SLC30A6: variants seen among roughly 807,000 people sequenced by gnomAD.
The protein encoded by SLC30A6 is zinc transporter 6.
A neutral mutation model predicts 63.0 loss-of-function variants in SLC30A6; 55 were observed. The observed-to-expected ratio is 0.87, with a 90% CI of 0.70 to 1.09. SLC30A6 has a LOEUF of 1.09. Among genes scored for constraint, SLC30A6 ranks in the 50% least tolerant of loss-of-function variants. The pLI is 0.00. For missense variants in SLC30A6, 587 were observed against 549.2 expected, an observed-to-expected ratio of 1.07 and a Z score of -0.69; for synonymous variants, 224 against 186.1, an observed-to-expected ratio of 1.20 and a Z score of -1.66.
chr2:32,166,034 C>T (rs1680613927), intron 1 of SLC30A6, 131 bp downstream of exon 1: 7 of 1,341,556 alleles, frequency 5.2e-6, no homozygotes, highest in Non-Finnish European at 7.5e-6. Flanking sequence ...GGCCCCTTGG[C>T]AGGAGCGGCT....
At chr2:32,211,608 T>C (rs1685260815) in intron 13 of SLC30A6, among the ~76,000 whole-genome samples, 2 of 151,954 alleles carry the variant, frequency 1.3e-5, no homozygotes, top group South Asian at 4.2e-4. Flanking sequence ...GTGCACCCTT[T>C]CTTCTTTTTT....
chr2:32,178,863 T>C (rs1682031327), intron 4 of SLC30A6, among the ~76,000 whole-genome samples: 3 of 152,198 alleles, frequency 2.0e-5, no homozygotes, highest in Admixed American at 1.3e-4. Flanking sequence ...TTGTTCTTTT[T>C]CAAGATTGTT....
chr2:32,215,516 ATTTTT>A (rs10681739), intron 13 of SLC30A6, among the ~76,000 whole-genome samples: 2 of 132,488 alleles, frequency 1.5e-5, no homozygotes, highest in African/African-American at 2.8e-5. Context: ...ATATATATAT[ATTTTT>A]TTTTTTTTTT....
Position 32,204,639 on chromosome 2 carries a change from A to G in SLC30A6, c.715A>G (p.Thr239Ala), listed in dbSNP as rs749626366. Residue 239 changes from threonine (T) to alanine (A), a missense_variant, in exon 11 of 14, where the codon ACA (threonine) becomes GCA (alanine). By Grantham distance (58) the Thr-to-Ala change is moderately conservative. Transcript: ENST00000282587. ...CTCTGCTATAGCTATTGCCTTGATG[A>G]CATTTGGCACTATGTATCCCATGAG... ...TASAIAIALMTFGTMYPMSVY... is the reference protein window; with the variant it reads ...TASAIAIALMAFGTMYPMSVY... The G allele has an allele frequency of 1.2e-6, 2 of 1,613,054 alleles. No individual in the cohort carries two copies. Among genetic ancestry groups the G allele is most frequent in the Non-Finnish European group, 1.7e-6 (2 of 1,179,414 alleles).
intron 10 of SLC30A6, chr2:32,202,110 G>T: frequency 1.3e-6 from 1 of 749,386 alleles, no homozygotes. Context: ...CACATGAACA[G>T]AAAGAAGGAA....
chr2:32,196,598 G>T (rs935158945), intron 8 of SLC30A6, among the ~76,000 whole-genome samples: 1 of 152,100 alleles, frequency 6.6e-6, no homozygotes, highest in Non-Finnish European at 1.5e-5. Flanking sequence ...ATATGTATGG[G>T]TTGAGCATCC....
chr2:32,204,023 T>C, intron 10 of SLC30A6: 1 of 661,816 alleles, frequency 1.5e-6, no homozygotes, highest in Non-Finnish European at 2.7e-6. Flanking sequence ...AATCTACCAG[T>C]ATGAGGTTGC....
At chr2:32,194,681 A>G (rs893269140) in intron 8 of SLC30A6, among the ~76,000 whole-genome samples, 1 of 151,924 alleles carries the variant, frequency 6.6e-6, no homozygotes, top group African/African-American at 2.4e-5. Flanking sequence ...ATCTTTTTAG[A>G]TCTCACTCTA....
At chr2:32,175,885 C>T (rs6724014) in intron 4 of SLC30A6, among the ~76,000 whole-genome samples, 17 of 151,988 alleles carry the variant, frequency 1.1e-4, no homozygotes, top group African/African-American at 3.9e-4. Context: ...AGGCATAAGA[C>T]TTGCTTGGAC....
intron 2 of SLC30A6, among the ~76,000 whole-genome samples, chr2:32,171,665 CCA>C (rs1681223863): frequency 6.6e-6 from 1 of 150,758 alleles, no homozygotes; most frequent in Non-Finnish European, 1.5e-5. Flanking sequence ...TTAAATGGAT[CCA>C]GTCTAAAGCC....
chr2:32,213,442 C>T (rs1287370619), intron 13 of SLC30A6, among the ~76,000 whole-genome samples: 2 of 151,896 alleles, frequency 1.3e-5, no homozygotes, highest in Admixed American at 6.6e-5. Context: ...GTTGCAGCTG[C>T]TTTTCTCATA....
Position 32,209,576 on chromosome 2 carries a change from A to T in SLC30A6, c.885+15A>T, listed in dbSNP as rs550172349. 3 of 1,577,000 alleles carry T rather than the reference A, an allele frequency of 1.9e-6. 1 individual carries two copies. Among genetic ancestry groups the T allele is most frequent in the African/African-American group, 2.7e-5 (2 of 73,122 alleles). Reference sequence around the variant, plus strand: ...TTGGCTCATTGGTATGTTCTTTTACATATGACTTTAGTTATAATTTAAAAT... The same window carrying T: ...TTGGCTCATTGGTATGTTCTTTTACTTATGACTTTAGTTATAATTTAAAAT... On this transcript the variant is annotated intron_variant, in intron 13 of 13. Coordinates refer to ENST00000282587, the MANE Select transcript of SLC30A6 (RefSeq NM_017964.5).
At chr2:32,186,996 C>CAAAAA (rs760128005) in intron 5 of SLC30A6, among the ~76,000 whole-genome samples, 2 of 51,242 alleles carry the variant, frequency 3.9e-5, no homozygotes, top group African/African-American at 1.4e-4. Flanking sequence ...ACGCTGTCTC[C>CAAAAA]AAAAAAAAAA....
intron 10 of SLC30A6, chr2:32,203,544 C>G: frequency 6.2e-7 from 1 of 1,605,258 alleles, no homozygotes; most frequent in Non-Finnish European, 8.5e-7. Flanking sequence ...TCTTTGATCA[C>G]CTCTGATAGG....
intron 8 of SLC30A6, 140 bp downstream of exon 8, chr2:32,194,123 C>CT: frequency 1.8e-6 from 1 of 544,066 alleles, no homozygotes; most frequent in Non-Finnish European, 3.0e-6. Flanking sequence ...GTTCTCAAGT[C>CT]TTTTTTAAGT....
At chr2:32,208,392 A>G (rs1038611472) in intron 12 of SLC30A6, among the ~76,000 whole-genome samples, 1 of 151,858 alleles carries the variant, frequency 6.6e-6, no homozygotes. Flanking sequence ...TGACCTCCCA[A>G]AATGCTGGGA....
chr2:32,205,830 G>T (rs1418459828), intron 11 of SLC30A6, among the ~76,000 whole-genome samples: 1 of 151,580 alleles, frequency 6.6e-6, no homozygotes, highest in Non-Finnish European at 1.5e-5. Context: ...ACCACGCCTG[G>T]CTAATTTTTG....
chr2:32,200,925 C>T (rs116040574), intron 10 of SLC30A6, among the ~76,000 whole-genome samples: 1,568 of 152,250 alleles, frequency 0.01, 17 homozygotes, highest in Middle Eastern at 0.054. Flanking sequence ...TAATCAGGCC[C>T]CTACCAACCT....
chr2:32,195,161 G>A (rs971277582), intron 8 of SLC30A6, among the ~76,000 whole-genome samples: 9 of 145,858 alleles, frequency 6.2e-5, no homozygotes, highest in African/African-American at 1.3e-4. Flanking sequence ...GTGCAGTGGC[G>A]CAATCTTGGC....
Sources: gnomAD v4.1 joint callset for allele counts (sites outside exome capture counted in the v4.1 genomes callset) on GRCh38, gnomAD v4.1.1 for gene constraint, MANE v1.5 for transcripts, NCBI Gene and HGNC (gene_info 2026-07-23, HGNC 2026-07-21) for gene names.